The following AUTS2 variants were observed in gnomAD, a reference collection of about 807,000 sequenced individuals.
AUTS2 encodes the protein activator of transcription and developmental regulator AUTS2, also known as autism susceptibility gene 2 protein.
Under a neutral mutation model 112.4 loss-of-function variants are expected in AUTS2, and 17 were observed. The observed-to-expected ratio is 0.15, with a 90% CI of 0.10 to 0.23. The LOEUF (loss-of-function observed/expected upper bound fraction) is 0.23, where lower values mean the gene tolerates loss of function less well. AUTS2 is among the 10% of genes least tolerant of loss of function. AUTS2 has a pLI of 1.00. For missense variants in AUTS2, 1,510 were observed against 1,701.6 expected (o/e 0.89, Z 1.98); for synonymous variants, 751 against 702.7 (o/e 1.07, Z -1.09).
chr7:70,674,138 C>G (rs572658400), intron 5 of AUTS2, among the ~76,000 whole-genome samples: 1 of 152,302 alleles, frequency 6.6e-6, no homozygotes, highest in African/African-American at 2.4e-5. Context: ...GCTCCCGGCT[C>G]TGCTCCGTGG....
chr7:70,732,578 G>C (rs1327249618), intron 6 of AUTS2, among the ~76,000 whole-genome samples: 2 of 152,142 alleles, frequency 1.3e-5, no homozygotes, highest in African/African-American at 4.8e-5. Flanking sequence ...GGTGCATCCA[G>C]CATGAATTCT....
At chr7:70,463,652 C>T (rs1376820058) in intron 5 of AUTS2, among the ~76,000 whole-genome samples, 1 of 152,230 alleles carries the variant, frequency 6.6e-6, no homozygotes, top group Admixed American at 6.5e-5. Flanking sequence ...TCTTTCTGCC[C>T]TTCCCCAAGT....
Position 70,787,386 on chromosome 7 carries a change from A to C in AUTS2, c.2486A>C (p.Asp829Ala). Residue 829 changes from aspartate (D) to alanine (A), a missense_variant, in exon 18 of 19, where the codon GAT becomes GCT. Physicochemically the swap from Asp to Ala is moderately radical, Grantham distance 126 (BLOSUM62 -2). This residue lies in a region of AUTS2 where 788 missense variants were observed against 797.6 expected (regional missense o/e 0.99). Transcript: ENST00000342771. ...ASAAAHDRDR[D>A]VDKRDSSVSK... ...GCTGCAGCTCATGACAGAGATAGAG[A>C]TGTAGATAAACGAGACTCATCTGTT... 6.2e-7 allele frequency: 1 copy of C among 1,614,032 alleles called. No homozygotes were observed. Among genetic ancestry groups the C allele is most frequent in the Non-Finnish European group, 8.5e-7 (1 of 1,179,936 alleles).
chr7:70,419,756 C>G (rs958442566), intron 4 of AUTS2, among the ~76,000 whole-genome samples: 1 of 152,188 alleles, frequency 6.6e-6, no homozygotes, highest in South Asian at 2.1e-4. Flanking sequence ...GTCTGCCTCA[C>G]GACAGCCTTG....
rs1787172471 is a variant in AUTS2 at position 69,739,478 on chromosome 7, G to A, written c.309+139516G>A. ...GCATGACTGGCATGTTGAATCTTGG[G>A]TATAAAGCTTTCTGCACTATACCCT... is the stretch of plus-strand genomic sequence containing the variant. On this transcript the variant is annotated intron_variant, in intron 1 of 18. Transcript: ENST00000342771. Among the ~76,000 whole-genome samples, 3 of 152,102 alleles carry A rather than the reference G, an allele frequency of 2.0e-5. No individual in the cohort carries two copies. The South Asian group carries it at 6.2e-4, about 32-fold the overall frequency.
chr7:70,660,360 G>A (rs974247309), intron 5 of AUTS2, among the ~76,000 whole-genome samples: 10 of 152,154 alleles, frequency 6.6e-5, no homozygotes, highest in South Asian at 2.1e-4. Flanking sequence ...CTCAGACTCT[G>A]TGCAAGCCCA....
Position 70,764,708 on chromosome 7 carries a change from C to G in AUTS2, c.1215-44C>G, listed in dbSNP as rs1328825433. ...TCTTTTAAAGAGAATACATTGCTTA[C>G]CTTTTTTTATTTTTTTCTTTTCTTT... On this transcript the variant is annotated intron_variant, in intron 7 of 18. Coordinates refer to ENST00000342771, the MANE Select transcript of AUTS2 (RefSeq NM_015570.4). 5.6e-6 allele frequency: 4 copies of G among 715,778 alleles called. No individual in the cohort carries two copies. In the East Asian group the frequency reaches 1.1e-4, roughly 19 times the overall value. 44.3% of individuals were successfully genotyped at this position (715,778 alleles called of 1,614,324 possible).
chr7:70,664,370 GTGT>G (rs1012681753), intron 5 of AUTS2, among the ~76,000 whole-genome samples: 4 of 152,166 alleles, frequency 2.6e-5, no homozygotes, highest in African/African-American at 7.2e-5. Context: ...GTGGGATTTT[GTGT>G]TGTTGTTGAA....
At chr7:69,600,825 A>G (rs564436913) in intron 1 of AUTS2, among the ~76,000 whole-genome samples, 17 of 151,852 alleles carry the variant, frequency 1.1e-4, no homozygotes, top group Admixed American at 2.6e-4. Context: ...CTTGTCACCA[A>G]TTGTCCCTCT....
In AUTS2 at chr7:70,656,679, C is replaced by A. The variant is rs868425741; in HGVS notation, c.691-41890C>A. ...ACAGAGTTGGCACTGGAGCCTGGGC[C>A]TTCACAGCCTGCCTCTGAGACACTG... On this transcript the variant is annotated intron_variant, in intron 5 of 18. Coordinates refer to ENST00000342771, the MANE Select transcript of AUTS2 (RefSeq NM_015570.4). Among the ~76,000 whole-genome samples the A allele has an allele frequency of 2.4e-4, 37 of 152,314 alleles. No individual in the cohort carries two copies. In the South Asian group the frequency reaches 3.5e-3, roughly 15 times the overall value.
chr7:69,661,008 C>T (rs1247048802), intron 1 of AUTS2, among the ~76,000 whole-genome samples: 3 of 152,180 alleles, frequency 2.0e-5, no homozygotes, highest in South Asian at 2.1e-4. Flanking sequence ...GAAGTGGGAA[C>T]GCTGACAATC....
chr7:70,228,382 A>C (rs922181451), intron 4 of AUTS2, among the ~76,000 whole-genome samples: 1 of 151,562 alleles, frequency 6.6e-6, no homozygotes, highest in Non-Finnish European at 1.5e-5. Context: ...ATCCAGTCTA[A>C]CAATCTCTTT....
intron 5 of AUTS2, among the ~76,000 whole-genome samples, chr7:70,647,489 A>G (rs753738428): frequency 6.6e-6 from 1 of 152,154 alleles, no homozygotes; most frequent in Non-Finnish European, 1.5e-5. Context: ...AAAAACAGCT[A>G]TCTTAACTTG....
intron 1 of AUTS2, among the ~76,000 whole-genome samples, chr7:69,895,740 A>G (rs1257007684): frequency 2.6e-5 from 4 of 152,260 alleles, no homozygotes; most frequent in East Asian, 1.9e-4. Flanking sequence ...GGAAAAAATT[A>G]TAGCATACTC....
intron 4 of AUTS2, among the ~76,000 whole-genome samples, chr7:70,240,656 A>G (rs528475798): frequency 4.9e-4 from 75 of 152,194 alleles, no homozygotes; most frequent in Non-Finnish European, 9.1e-4. Flanking sequence ...TTTGGCATTG[A>G]ACATGTGATC....
chr7:70,684,406 T>C (rs1199238851), intron 5 of AUTS2, among the ~76,000 whole-genome samples: 2 of 152,156 alleles, frequency 1.3e-5, no homozygotes, highest in East Asian at 3.9e-4. Flanking sequence ...ACCCTTCAGA[T>C]CTTAAAACCT....
intron 5 of AUTS2, among the ~76,000 whole-genome samples, chr7:70,619,087 A>C (rs1288086130): frequency 2.6e-5 from 4 of 152,178 alleles, no homozygotes; most frequent in African/African-American, 9.6e-5. Context: ...AGATACAGAA[A>C]GCCACCAGGC....
chr7:70,078,710 G>A lies in AUTS2; in HGVS notation c.523-39422G>A, dbSNP rs948304201. Among the ~76,000 whole-genome samples, 4 of 152,202 alleles carry A rather than the reference G, an allele frequency of 2.6e-5. No individual in the cohort carries two copies. The East Asian group carries it at 7.7e-4, about 29-fold the overall frequency. ...CCAACCCCTGAAGGGAGAAAGGAAG[G>A]AGAATGTGGGGGAGAGGGGAAGGAA... On this transcript the variant is annotated intron_variant, in intron 2 of 18. Coordinates refer to ENST00000342771, the MANE Select transcript of AUTS2 (RefSeq NM_015570.4).
chr7:70,531,831 T>C (rs1019452321), intron 5 of AUTS2, among the ~76,000 whole-genome samples: 3 of 152,164 alleles, frequency 2.0e-5, no homozygotes, highest in Non-Finnish European at 4.4e-5. Flanking sequence ...GCTTTTGTTA[T>C]ATAACAAACC....
Sources: allele counts gnomAD v4.1 joint callset (sites outside exome capture counted in the v4.1 genomes callset), GRCh38; gene constraint gnomAD v4.1.1; regional missense constraint gnomAD v4.1.1; transcripts MANE v1.5; gene names NCBI Gene and HGNC (gene_info 2026-07-23, HGNC 2026-07-21).